The following PTPRK variants were observed in gnomAD, a reference collection of about 807,000 sequenced individuals.
PTPRK encodes receptor-type tyrosine-protein phosphatase kappa.
In PTPRK, 75 loss-of-function variants were observed where a neutral mutation model predicts 178.0. The ratio of observed to expected loss-of-function variants is 0.42; its 90% confidence interval spans 0.35 to 0.51. PTPRK has a LOEUF of 0.51. Ranked by LOEUF, PTPRK falls within the 20% of genes least tolerant of loss-of-function variation. The pLI, the probability that PTPRK is intolerant of heterozygous loss-of-function variation, is 0.02. For missense variants in PTPRK, 1,441 were observed against 1,797.8 expected (o/e 0.80, Z 3.59); for synonymous variants, 637 against 620.6 (o/e 1.03, Z -0.39).
chr6:128,187,519 C>G (rs916183766), intron 6 of PTPRK, among the ~76,000 whole-genome samples: 2 of 152,188 alleles, frequency 1.3e-5, no homozygotes, highest in Admixed American at 6.6e-5. Context: ...CATACACCAA[C>G]AAGCCCTGTG....
chr6:128,487,160 A>C (rs942271562), intron 1 of PTPRK, among the ~76,000 whole-genome samples: 5 of 142,142 alleles, frequency 3.5e-5, no homozygotes, highest in African/African-American at 1.3e-4. Context: ...GTGAGCGCTG[A>C]CATTTTAAAT....
At chr6:128,178,656 C>CATCTATCT (rs71028114) in intron 7 of PTPRK, among the ~76,000 whole-genome samples, 11,959 of 146,016 alleles carry the variant, frequency 0.082, 713 homozygotes, top group African/African-American at 0.17. Flanking sequence ...GTAGAGAAGA[C>CATCTATCT]ATCTATCTAT....
At chr6:128,419,686 GT>G (rs1456243637) in intron 1 of PTPRK, among the ~76,000 whole-genome samples, 2 of 152,186 alleles carry the variant, frequency 1.3e-5, no homozygotes, top group African/African-American at 4.8e-5. Context: ...CTGAGAACCT[GT>G]TTAAAACTTA....
chr6:128,492,777 A>G (rs1309452512), intron 1 of PTPRK, among the ~76,000 whole-genome samples: 3 of 152,152 alleles, frequency 2.0e-5, no homozygotes, highest in African/African-American at 7.2e-5. Context: ...TTCAGCTGAA[A>G]TACTCCATCT....
intron 3 of PTPRK, among the ~76,000 whole-genome samples, chr6:128,266,742 T>C (rs1379785798): frequency 6.6e-6 from 1 of 151,956 alleles, no homozygotes; most frequent in Non-Finnish European, 1.5e-5. Context: ...GAGTCAGAAA[T>C]AAAACAAACT....
intron 3 of PTPRK, among the ~76,000 whole-genome samples, chr6:128,260,977 G>GTA: frequency 6.6e-6 from 1 of 152,028 alleles, no homozygotes; most frequent in Non-Finnish European, 1.5e-5. Flanking sequence ...CTCTTTTTAT[G>GTA]TATAGGCTGA....
chr6:128,429,035 A>T (rs1175147351), intron 1 of PTPRK, among the ~76,000 whole-genome samples: 2 of 152,210 alleles, frequency 1.3e-5, no homozygotes, highest in Non-Finnish European at 2.9e-5. Context: ...CATTTATGAT[A>T]GGTTTATCGG....
chr6:128,411,318 C>T (rs1164346079), intron 1 of PTPRK, among the ~76,000 whole-genome samples: 1 of 152,190 alleles, frequency 6.6e-6, no homozygotes, highest in Non-Finnish European at 1.5e-5. Flanking sequence ...TGTACTTTTT[C>T]TAAATCTCAA....
At position 128,397,657 on chromosome 6, in the gene PTPRK, G is replaced by A; in HGVS notation, c.132C>T (p.Ala44=). The change falls in exon 2 of 30, where the codon GCC becomes GCT. Residue 44 remains alanine (A), a synonymous_variant. Coordinates refer to ENST00000368226, the MANE Select transcript of PTPRK (RefSeq NM_002844.4). ...GGCTFDDGPG[A]CDYHQDLYDD... The stretch of plus-strand genomic sequence containing the variant: ...CATACAGATCCTGGTGGTAATCACA[G>A]GCCCCTGGACCATCATCAAAAGTAC... 1 of 1,613,342 alleles carries A rather than the reference G, an allele frequency of 6.2e-7. No homozygotes were observed. Among genetic ancestry groups the A allele is most frequent in the Non-Finnish European group, 8.5e-7 (1 of 1,179,422 alleles).
intron 13 of PTPRK, among the ~76,000 whole-genome samples, chr6:128,056,850 T>C (rs976127855): frequency 6.6e-6 from 1 of 152,208 alleles, no homozygotes; most frequent in African/African-American, 2.4e-5. Context: ...AACATAATTT[T>C]TAGGATTGTT....
chr6:128,082,979 A>G (rs1582916022), intron 9 of PTPRK, among the ~76,000 whole-genome samples: 1 of 152,060 alleles, frequency 6.6e-6, no homozygotes, highest in African/African-American at 2.4e-5. Context: ...GTTTCAACAA[A>G]TTTTTATTAT....
At chr6:128,171,548 C>T (rs760190527) in intron 7 of PTPRK, among the ~76,000 whole-genome samples, 1 of 152,022 alleles carries the variant, frequency 6.6e-6, no homozygotes, top group Non-Finnish European at 1.5e-5. Flanking sequence ...AAGACATATA[C>T]AATATTCCTC....
intron 7 of PTPRK, among the ~76,000 whole-genome samples, chr6:128,162,731 T>C (rs189038195): frequency 7.5e-4 from 114 of 151,814 alleles, no homozygotes; most frequent in African/African-American, 2.6e-3. Context: ...CAAATATTGA[T>C]AAGATCTGTA....
intron 1 of PTPRK, among the ~76,000 whole-genome samples, chr6:128,463,476 C>G (rs1049506936): frequency 6.6e-6 from 1 of 152,130 alleles, no homozygotes; most frequent in Non-Finnish European, 1.5e-5. Flanking sequence ...CTTCAATTTA[C>G]CTGTGAAATG....
At chr6:128,052,753 A>G (rs1417835150) in intron 13 of PTPRK, among the ~76,000 whole-genome samples, 2 of 152,182 alleles carry the variant, frequency 1.3e-5, no homozygotes, top group African/African-American at 4.8e-5. Flanking sequence ...CTTTGAAACT[A>G]TGTAAATACC....
intron 13 of PTPRK, among the ~76,000 whole-genome samples, chr6:128,018,938 GTTCTTCCT>G (rs376944564): frequency 3.9e-5 from 6 of 152,062 alleles, no homozygotes; most frequent in African/African-American, 1.4e-4. Context: ...ATGAACAAGT[GTTCTTCCT>G]TTAGAGAGCG....
intron 14 of PTPRK, among the ~76,000 whole-genome samples, chr6:128,007,278 A>C (rs867118433): frequency 1.3e-5 from 2 of 150,878 alleles, no homozygotes; most frequent in African/African-American, 4.8e-5. Context: ...TATAAATACT[A>C]TATATTAGAA....
intron 7 of PTPRK, among the ~76,000 whole-genome samples, chr6:128,099,744 T>C (rs1047157336): frequency 2.6e-5 from 4 of 152,014 alleles, no homozygotes; most frequent in African/African-American, 9.7e-5. Flanking sequence ...GACTGCAGGG[T>C]TGATGATTAT....
Position 128,487,515 on chromosome 6 carries a change from A to AG in PTPRK, c.100+32743dup, listed in dbSNP as rs552587168. Among the ~76,000 whole-genome samples, 8 of 152,024 alleles carry AG rather than the reference A, an allele frequency of 5.3e-5. No individual in the cohort carries two copies. In the South Asian group the frequency reaches 1.7e-3, roughly 32 times the overall value. On this transcript the variant is annotated intron_variant, in intron 1 of 29. Transcript: ENST00000368226. ...TCCTCCAAAACAGGCCATAAAACCC[A>AG]GAAAGGTCACCCTCTCCCTTCTCCA...
Sources: gnomAD v4.1 joint callset for allele counts (sites outside exome capture counted in the v4.1 genomes callset) on GRCh38, gnomAD v4.1.1 for gene constraint, MANE v1.5 for transcripts, NCBI Gene and HGNC (gene_info 2026-07-23, HGNC 2026-07-21) for gene names.